The following RCOR2 variants were observed in gnomAD, a reference collection of about 807,000 sequenced individuals.
The protein encoded by RCOR2 is REST corepressor 2.
Under a neutral mutation model 58.9 loss-of-function variants are expected in RCOR2, and 19 were observed. The observed-to-expected ratio is 0.32, with a 90% CI of 0.23 to 0.47. The LOEUF is 0.47. Ranked by LOEUF, RCOR2 falls within the 20% of genes least tolerant of loss-of-function variation. The pLI is 1.00. For synonymous variants in RCOR2, 286 were observed against 278.7 expected, an observed-to-expected ratio of 1.03 and a Z score of -0.26; for missense variants, 590 against 707.9, an observed-to-expected ratio of 0.83 and a Z score of 1.89.
upstream of RCOR2, among the ~76,000 whole-genome samples, chr11:63,921,051 A>G (rs1189095745): frequency 2.6e-5 from 4 of 152,228 alleles, no homozygotes; most frequent in Non-Finnish European, 4.4e-5. Context: ...AGGATGCAGC[A>G]GACCAGGCGC....
upstream of RCOR2, among the ~76,000 whole-genome samples, chr11:63,917,401 A>G (rs1941875844): frequency 6.6e-6 from 1 of 151,902 alleles, no homozygotes. Context: ...GGGAGACCCC[A>G]CTGCCCCCCA....
At position 63,912,961 on chromosome 11, in the gene RCOR2, G is replaced by A. The variant is rs1941798513; in HGVS notation, c.892-14C>T. 6.2e-7 allele frequency: 1 copy of A among 1,609,064 alleles called. No homozygotes were observed. Among genetic ancestry groups the A allele is most frequent in the African/African-American group, 1.3e-5 (1 of 74,786 alleles). On this transcript the variant is annotated splice_polypyrimidine_tract_variant and intron_variant, in intron 8 of 11. Coordinates refer to ENST00000301459, the MANE Select transcript of RCOR2 (RefSeq NM_173587.4). ...CATGCTCTGTACCTGGGAAGGCCAGGAAGTGGAGGAATATCAGACTCCCAT... is the reference window on the plus strand; with the variant it reads ...CATGCTCTGTACCTGGGAAGGCCAGAAAGTGGAGGAATATCAGACTCCCAT...
the RCOR2 span, among the ~76,000 whole-genome samples, chr11:63,922,240 A>G: frequency 1.3e-5 from 2 of 152,232 alleles, no homozygotes; most frequent in African/African-American, 2.4e-5. Context: ...CAGCAACACA[A>G]AATGGACTAA....
At chr11:63,919,947 C>T (rs1450098693), upstream of RCOR2, among the ~76,000 whole-genome samples, 4 of 152,240 alleles carry the variant, frequency 2.6e-5, no homozygotes, top group Admixed American at 6.5e-5. Context: ...CAGGCCTCCG[C>T]CAGAAGCTGC....
In RCOR2 at chr11:63,914,267, C is replaced by G; in HGVS notation, c.669G>C (p.Lys223Asn). 6.2e-7 allele frequency: 1 copy of G among 1,613,544 alleles called. No homozygotes were observed. Among genetic ancestry groups the G allele is most frequent in the Non-Finnish European group, 8.5e-7 (1 of 1,179,990 alleles). ...SEGEPDPADP[K>N]REPLPSRPLN... ...AGAGGCTCTGGGAGCTCACCTCTCT[C>G]TTGGGATCTGCAGGATCGGGCTCTC... Residue 223 changes from lysine to asparagine, a missense_variant, in exon 7 of 12, where the codon AAG (lysine) becomes AAC (asparagine). Lys to Asn is a moderately conservative substitution (Grantham distance 94). Transcript: ENST00000301459.
At position 63,916,471 on chromosome 11, in the gene RCOR2, G is replaced by T; in HGVS notation, c.-15C>A. Reference sequence around the variant, plus strand: ...ACTGAGGGCATTACCCCGCCCAGCTGCCCCGGGGGGCGCAGGAGCCTTCGG... The same window carrying T: ...ACTGAGGGCATTACCCCGCCCAGCTTCCCCGGGGGGCGCAGGAGCCTTCGG... On this transcript the variant is annotated 5_prime_UTR_variant, in exon 1 of 12. Transcript: ENST00000301459. 1 of 1,601,784 alleles carries T rather than the reference G, an allele frequency of 6.2e-7. No individual in the cohort carries two copies. The highest frequency in any genetic ancestry group is 1.3e-5 in the African/African-American group (1 of 74,894).
chr11:63,912,529 G>A lies in RCOR2; in HGVS notation c.1033C>T (p.Arg345Cys), dbSNP rs1353238538. 2.5e-6 allele frequency: 4 copies of A among 1,613,064 alleles called. No individual in the cohort carries two copies. Among genetic ancestry groups the A allele is most frequent in the South Asian group, 1.1e-5 (1 of 91,062 alleles). Residue 345 changes from arginine to cysteine, a missense_variant, in exon 11 of 12, where the codon CGT becomes TGT. By Grantham distance (180) the Arg-to-Cys change is radical. Transcript: ENST00000301459. Reference sequence around the variant, plus strand: ...GCCCCAAAGTCTTTGCCATACCTACGGATGGCTGCAAGGGTCAAAAGGGCA... The same window carrying A: ...GCCCCAAAGTCTTTGCCATACCTACAGATGGCTGCAAGGGTCAAAAGGGCA... The part of the protein sequence containing the change: ...DEQLLAVQAI[R>C]RYGKDFGAIA...
chr11:63,927,458 G>T, the RCOR2 span, among the ~76,000 whole-genome samples: 1 of 151,772 alleles, frequency 6.6e-6, no homozygotes, highest in Admixed American at 6.6e-5. Context: ...TTATAGAGAC[G>T]GGGTCTTGCT....
chr11:63,912,233 C>CTT lies in RCOR2; in HGVS notation c.1258-55_1258-54insAA, dbSNP rs1941776339. 9 of 1,603,132 alleles carry CTT rather than the reference C, an allele frequency of 5.6e-6. No homozygotes were observed. In the Admixed American group the frequency reaches 1.5e-4, roughly 27 times the overall value. ...AGGCTCTTCCCGCCCTCAGCCCAGT[C>CTT]TAAGGACCAAGGCGGCGCCTCACCT... On this transcript the variant is annotated intron_variant, in intron 11 of 11. Coordinates refer to ENST00000301459, the MANE Select transcript of RCOR2 (RefSeq NM_173587.4).
chr11:63,922,737 G>A, the RCOR2 span, among the ~76,000 whole-genome samples: 2 of 152,152 alleles, frequency 1.3e-5, no homozygotes, highest in Non-Finnish European at 2.9e-5. Flanking sequence ...TCCAGGAAAA[G>A]GTCTCACAGC....
upstream of RCOR2, among the ~76,000 whole-genome samples, chr11:63,920,609 C>G (rs1195943073): frequency 1.3e-5 from 2 of 152,142 alleles, no homozygotes; most frequent in Non-Finnish European, 2.9e-5. Flanking sequence ...GAGCCAAAAC[C>G]TGGCTGAGCA....
rs760637710 is a variant in RCOR2 at position 63,914,157 on chromosome 11, G to T, written c.688C>A (p.Arg230=). 1 of 1,613,754 alleles carries T rather than the reference G, an allele frequency of 6.2e-7. No homozygotes were observed. The highest frequency in any genetic ancestry group is 8.5e-7 in the Non-Finnish European group (1 of 1,179,958). Residue 230 remains arginine, a synonymous_variant, in exon 8 of 12, where the codon CGG becomes AGG. Coordinates refer to ENST00000301459, the MANE Select transcript of RCOR2 (RefSeq NM_173587.4). ...GGGCCTGGGCGTGCATTCAGGGGCCGAGAGGGTAGAGGCTGCCAGTGAAAG... is the reference window on the plus strand; with the variant it reads ...GGGCCTGGGCGTGCATTCAGGGGCCTAGAGGGTAGAGGCTGCCAGTGAAAG... ...ADPKREPLPS[R]PLNARPGPGK... is the part of the protein sequence containing the mutation.
chr11:63,921,244 G>T (rs550739974), upstream of RCOR2, among the ~76,000 whole-genome samples: 4 of 152,224 alleles, frequency 2.6e-5, no homozygotes, highest in African/African-American at 9.6e-5. Context: ...GATTGGGGGT[G>T]GGGGGCCTCC....
chr11:63,912,824 C>T (rs372124766), intron 9 of RCOR2, 46 bp downstream of exon 9: 42 of 1,607,828 alleles, frequency 2.6e-5, no homozygotes, highest in African/African-American at 6.7e-5. Flanking sequence ...GCTCTGCCTC[C>T]AGAGAGAAAC....
At chr11:63,913,491 A>ATTTTTTTTT (rs775816114) in intron 8 of RCOR2, among the ~76,000 whole-genome samples, 2 of 126,694 alleles carry the variant, frequency 1.6e-5, no homozygotes, top group African/African-American at 2.8e-5. Flanking sequence ...TGCTCGGCCT[A>ATTTTTTTTT]TTTTTTTTTG....
Position 63,912,219 on chromosome 11 carries a change from G to A in RCOR2, c.1258-40C>T, listed in dbSNP as rs201480750. The A allele has an allele frequency of 1.2e-4, 187 of 1,596,236 alleles. No individual in the cohort carries two copies. The East Asian group carries it at 1.4e-3, about 12-fold the overall frequency. On this transcript the variant is annotated intron_variant, in intron 11 of 11. Transcript: ENST00000301459. Reference sequence around the variant, plus strand: ...AAGAGTGAGAAGCCAGGCTCTTCCCGCCCTCAGCCCAGTCTAAGGACCAAG... The same window carrying A: ...AAGAGTGAGAAGCCAGGCTCTTCCCACCCTCAGCCCAGTCTAAGGACCAAG...
intron 8 of RCOR2, 128 bp from the exon 9 acceptor site, chr11:63,913,075 A>G: frequency 1.3e-6 from 1 of 754,546 alleles, no homozygotes; most frequent in Non-Finnish European, 2.1e-6. Context: ...GCCATCCACC[A>G]TCTGGCTTGT....
upstream of RCOR2, among the ~76,000 whole-genome samples, chr11:63,921,892 G>A (rs909903952): frequency 6.6e-6 from 1 of 152,158 alleles, no homozygotes; most frequent in Non-Finnish European, 1.5e-5. Context: ...CTCAACTATG[G>A]GTTGAACATT....
upstream of RCOR2, among the ~76,000 whole-genome samples, chr11:63,918,485 G>A (rs1941892378): frequency 1.3e-5 from 2 of 152,344 alleles, no homozygotes; most frequent in African/African-American, 4.8e-5. Context: ...CACACCTCGG[G>A]CCAGGGCTAC....
Sources: gnomAD v4.1 joint callset for allele counts (sites outside exome capture counted in the v4.1 genomes callset) on GRCh38, gnomAD v4.1.1 for gene constraint, MANE v1.5 for transcripts, NCBI Gene and HGNC (gene_info 2026-07-23, HGNC 2026-07-21) for gene names.